OVCH2: variants seen among roughly 807,000 people sequenced by gnomAD.
OVCH2 encodes the protein ovochymase 2, also known as ovochymase-2.
OVCH2 carries 88 observed loss-of-function variants against 73.7 expected under a neutral mutation model. That is an observed-to-expected ratio of 1.19 (90% CI 1.01 to 1.43). The LOEUF is 1.43. OVCH2 is among the 40% of genes most tolerant of loss of function. The pLI is 0.00. For synonymous variants in OVCH2, 265 were observed against 234.5 expected (o/e 1.13, Z -1.19); for missense variants, 706 against 674.5 (o/e 1.05, Z -0.52).
intron 12 of OVCH2, 22 bp downstream of exon 12, chr11:7,695,036 T>C: frequency 2.6e-6 from 4 of 1,545,478 alleles, no homozygotes; most frequent in Non-Finnish European, 3.5e-6. Context: ...CATAGCTACG[T>C]AAGGACAGCC....
chr11:7,695,780 G>A, intron 10 of OVCH2, 70 bp from the exon 11 acceptor site: 1 of 1,536,284 alleles, frequency 6.5e-7, no homozygotes, highest in Non-Finnish European at 8.8e-7. Context: ...GATTTAAGAA[G>A]AACTGAATTT....
chr11:7,702,041 C>T (rs1002013266), intron 4 of OVCH2, 116 bp downstream of exon 4: 4 of 1,010,012 alleles, frequency 4.0e-6, no homozygotes, highest in Non-Finnish European at 5.9e-6. Flanking sequence ...ACTCTCCAGC[C>T]TAAATTCCTA....
intron 1 of OVCH2, 109 bp downstream of exon 1, chr11:7,706,198 A>G (rs118099904): frequency 0.049 from 56,251 of 1,142,846 alleles, 1,807 homozygotes; most frequent in South Asian, 0.099. Flanking sequence ...TATCCAAAAT[A>G]TATTTGCTTC....
At chr11:7,693,624 T>C (rs1856262941) in intron 12 of OVCH2, among the ~76,000 whole-genome samples, 1 of 152,224 alleles carries the variant, frequency 6.6e-6, no homozygotes, top group African/African-American at 2.4e-5. Flanking sequence ...CTAAATTTTA[T>C]CCTCCACCAC....
intron 11 of OVCH2, 61 bp from the exon 12 acceptor site, chr11:7,695,249 G>T (rs1175051005): frequency 4.7e-6 from 7 of 1,481,096 alleles, no homozygotes; most frequent in Non-Finnish European, 6.3e-6. Flanking sequence ...AATTCTCACT[G>T]CTCTCCCTCC....
intron 7 of OVCH2, 53 bp from the exon 8 acceptor site, chr11:7,698,826 G>A (rs569199568): frequency 2.0e-5 from 31 of 1,577,324 alleles, no homozygotes; most frequent in Middle Eastern, 1.7e-4. Flanking sequence ...CCTGAACAAC[G>A]CTTCAAGAAG....
intron 1 of OVCH2, among the ~76,000 whole-genome samples, chr11:7,705,858 T>C (rs1003566821): frequency 1.3e-5 from 2 of 152,220 alleles, no homozygotes; most frequent in African/African-American, 4.8e-5. Flanking sequence ...AGAACTGTTT[T>C]CAGCTTAAGT....
At chr11:7,703,509 T>C (rs1856480880) in intron 3 of OVCH2, among the ~76,000 whole-genome samples, 189 bp downstream of exon 3, 1 of 152,204 alleles carries the variant, frequency 6.6e-6, no homozygotes, top group Admixed American at 6.5e-5. Context: ...GAAAAGAATA[T>C]ATGTCATCTA....
chr11:7,688,741 C>G (rs1856170391), downstream of OVCH2, among the ~76,000 whole-genome samples: 2 of 152,212 alleles, frequency 1.3e-5, no homozygotes, highest in South Asian at 4.1e-4. Flanking sequence ...CTCTCCTCAC[C>G]ACTGTATTTT....
Position 7,702,300 on chromosome 11 carries a change from G to A in OVCH2, c.320C>T (p.Ala107Val), listed in dbSNP as rs1181599602. The A allele has an allele frequency of 1.2e-6, 2 of 1,600,690 alleles. No homozygotes were observed. The highest frequency in any genetic ancestry group is 1.7e-6 in the Non-Finnish European group (2 of 1,176,332). Residue 107 changes from alanine to valine, a missense_variant, in exon 4 of 16, where the codon GCT becomes GTT. Ala to Val is a moderately conservative substitution (Grantham distance 64, BLOSUM62 0). Coordinates refer to ENST00000533663, the MANE Select transcript of OVCH2 (RefSeq NM_198185.7). The part of the protein sequence containing the change: ...RNIVSTLNVT[A>V]GEYDLSQTDP... Reference sequence around the variant, plus strand: ...TGTCTGGCTTAAGTCATACTCTCCAGCAGTAACATTCAAAGTAGACACAAT... The same window carrying A: ...TGTCTGGCTTAAGTCATACTCTCCAACAGTAACATTCAAAGTAGACACAAT...
intron 12 of OVCH2, 27 bp from the exon 13 acceptor site, chr11:7,692,022 A>G: frequency 1.9e-5 from 29 of 1,490,212 alleles, no homozygotes; most frequent in Non-Finnish European, 2.7e-5. Context: ...TTACATCCAG[A>G]GTAAACAATC....
chr11:7,690,154 G>A, intron 14 of OVCH2, 141 bp from the exon 15 acceptor site: 1 of 603,564 alleles, frequency 1.7e-6, no homozygotes, highest in Non-Finnish European at 2.9e-6. Context: ...TTCAAATGAG[G>A]AGTGGGGCAT....
At chr11:7,700,051 G>C (rs933862625) in intron 7 of OVCH2, 1 of 434,862 alleles carries the variant, frequency 2.3e-6, no homozygotes, top group Admixed American at 3.8e-5. Context: ...TCAATTAAAG[G>C]CCAGTTTGAG....
the OVCH2 span, among the ~76,000 whole-genome samples, chr11:7,683,290 T>C: frequency 6.6e-6 from 1 of 151,922 alleles, no homozygotes; most frequent in Non-Finnish European, 1.5e-5. Context: ...CGACCCCAAA[T>C]TCTGATACCT....
intron 14 of OVCH2, 70 bp from the exon 15 acceptor site, chr11:7,690,083 T>C (rs1856193208): frequency 8.8e-7 from 1 of 1,131,206 alleles, no homozygotes; most frequent in Non-Finnish European, 1.3e-6. Flanking sequence ...TATCAGAAAA[T>C]GATTTATGAA....
At position 7,691,371 on chromosome 11, in the gene OVCH2, G is replaced by C. The variant is rs185446822; in HGVS notation, c.1537C>G (p.Pro513Ala). The change falls in exon 14 of 16, where the codon CCT becomes GCT. Residue 513 changes from proline (P) to alanine (A), a missense_variant. Transcript: ENST00000533663. ...ARLCGYDVPT[P>A]VLSPSSIMLI... ...ATGATGCTGGAGGGGCTCAGCACAG[G>C]GGTGGGGACATCATAGCCACACAGC... 8.0e-4 allele frequency: 1,291 copies of C among 1,613,728 alleles called. 9 individuals are homozygous for C. In the African/African-American group the frequency reaches 0.016, roughly 20 times the overall value.
chr11:7,686,970 G>A (rs142708850), downstream of OVCH2, among the ~76,000 whole-genome samples: 1 of 152,202 alleles, frequency 6.6e-6, no homozygotes, highest in East Asian at 1.9e-4. Flanking sequence ...CGCATCTGCT[G>A]CACTCCTTAG....
chr11:7,700,983 T>TA (rs1324306224), intron 6 of OVCH2, among the ~76,000 whole-genome samples: 1 of 152,198 alleles, frequency 6.6e-6, no homozygotes, highest in Non-Finnish European at 1.5e-5. Context: ...CACTTCCTGC[T>TA]AAAAACAGAT....
chr11:7,697,492 C>A (rs1347692529), intron 8 of OVCH2, among the ~76,000 whole-genome samples: 2 of 152,242 alleles, frequency 1.3e-5, no homozygotes, highest in Non-Finnish European at 2.9e-5. Flanking sequence ...CATTTCTGAA[C>A]TTCAGACCTG....
Sources: allele counts gnomAD v4.1 joint callset (sites outside exome capture counted in the v4.1 genomes callset), GRCh38; gene constraint gnomAD v4.1.1; transcripts MANE v1.5; gene names NCBI Gene and HGNC (gene_info 2026-07-23, HGNC 2026-07-21).